MGMT: variants seen among roughly 807,000 people sequenced by gnomAD.
The protein encoded by MGMT is methylated-DNA--protein-cysteine methyltransferase.
In MGMT, 14 loss-of-function variants were observed where a neutral mutation model predicts 15.9. The observed-to-expected ratio is 0.88, with a 90% CI of 0.58 to 1.37. The LOEUF (loss-of-function observed/expected upper bound fraction) is 1.37. MGMT is among the 40% of genes most tolerant of loss of function. MGMT has a pLI of 0.00. For missense variants in MGMT, 282 were observed against 268.1 expected (o/e 1.05, Z -0.36); for synonymous variants, 130 against 118.2 (o/e 1.10, Z -0.65).
rs1304992355 is a variant in MGMT at position 129,770,719 on chromosome 10, A to G, written c.*3722A>G. On this transcript the variant is annotated 3_prime_UTR_variant, in exon 5 of 5. Transcript: ENST00000651593. The stretch of plus-strand genomic sequence containing the variant: ...GTATGAGCAAGGGGGAAAGTGTTTT[A>G]TTTTACTAGGAAGATTTTACTGAAA... 3.3e-5 allele frequency among the ~76,000 whole-genome samples: 5 copies of G among 152,142 alleles called. No individual in the cohort carries two copies. Among genetic ancestry groups the G allele is most frequent in the African/African-American group, 1.2e-4 (5 of 41,424 alleles).
intron 3 of MGMT, among the ~76,000 whole-genome samples, chr10:129,721,303 G>C (rs1038714124): frequency 1.9e-4 from 29 of 152,240 alleles, no homozygotes; most frequent in African/African-American, 7.0e-4. Context: ...GGAATTCATG[G>C]GCGGAGTTCG....
chr10:129,686,679 A>C (rs1847908009), intron 2 of MGMT, among the ~76,000 whole-genome samples: 1 of 152,174 alleles, frequency 6.6e-6, no homozygotes, highest in Non-Finnish European at 1.5e-5. Flanking sequence ...GGCTGTTTTT[A>C]AATGAGGATT....
At chr10:129,647,712 A>G (rs1337703875) in intron 2 of MGMT, among the ~76,000 whole-genome samples, 4 of 152,232 alleles carry the variant, frequency 2.6e-5, no homozygotes. Flanking sequence ...TAGCGGCAAC[A>G]GAAATACAAG....
At position 129,646,754 on chromosome 10, in the gene MGMT, A is replaced by ATATATTTTTTTTTTTTT; in HGVS notation, c.126-61140_126-61139insATATTTTTTTTTTTTTT. On this transcript the variant is annotated intron_variant, in intron 2 of 4. Coordinates refer to ENST00000651593, the MANE Select transcript of MGMT (RefSeq NM_002412.5). Reference sequence around the variant, plus strand: ...TATATATATATATATATATATATATATTTTCAGGGAATGGTAGAGAACAGT... The same window carrying ATATATTTTTTTTTTTTT: ...TATATATATATATATATATATATATATATATTTTTTTTTTTTTTTTTCAGGGAATGGTAGAGAACAGT... Among the ~76,000 whole-genome samples, 74 of 86,600 alleles carry ATATATTTTTTTTTTTTT rather than the reference A, an allele frequency of 8.5e-4. 2 individuals carry two copies. Among genetic ancestry groups the ATATATTTTTTTTTTTTT allele is most frequent in the African/African-American group, 2.3e-3 (58 of 25,442 alleles). 56.8% of individuals were successfully genotyped at this position (86,600 alleles called of 152,430 possible).
At chr10:129,760,502 G>C (rs1022696383) in intron 4 of MGMT, among the ~76,000 whole-genome samples, 6 of 152,190 alleles carry the variant, frequency 3.9e-5, no homozygotes, top group African/African-American at 1.4e-4. Context: ...TTGAAAAATT[G>C]CTGTGGCTTT....
intron 2 of MGMT, among the ~76,000 whole-genome samples, chr10:129,569,365 G>T (rs1422761230): frequency 6.6e-6 from 1 of 152,194 alleles, no homozygotes; most frequent in African/African-American, 2.4e-5. Context: ...CCTGCGAGTG[G>T]CTCAGGCGAA....
At chr10:129,681,178 G>A (rs976656717) in intron 2 of MGMT, among the ~76,000 whole-genome samples, 9 of 152,220 alleles carry the variant, frequency 5.9e-5, no homozygotes, top group African/African-American at 2.2e-4. Flanking sequence ...AGCACCGGGT[G>A]CGCTGTGGAC....
intron 2 of MGMT, among the ~76,000 whole-genome samples, chr10:129,703,115 A>G (rs1198255631): frequency 6.6e-6 from 1 of 152,222 alleles, no homozygotes; most frequent in Non-Finnish European, 1.5e-5. Flanking sequence ...TTCAGAATCA[A>G]AGCTGTTTAA....
rs143151856 is a variant in MGMT, at chr10:129,747,665, G to T, written c.275-11537G>T. 8.7e-4 allele frequency among the ~76,000 whole-genome samples: 133 copies of T among 152,220 alleles called. 1 individual carries two copies. The highest frequency in any genetic ancestry group is 3.1e-3 in the African/African-American group (129 of 41,526). On this transcript the variant is annotated intron_variant, in intron 3 of 4. Transcript: ENST00000651593. ...CATGTGTTATGATTCATGAACCATT[G>T]TTGGTACCTTAATATTAACTAAAGT...
chr10:129,505,709 G>C (rs1229497091), intron 1 of MGMT, among the ~76,000 whole-genome samples: 1 of 152,178 alleles, frequency 6.6e-6, no homozygotes, highest in Non-Finnish European at 1.5e-5. Context: ...ATGGTAGACA[G>C]CTTTTGTAAA....
At chr10:129,548,673 G>C (rs1487960589) in intron 2 of MGMT, among the ~76,000 whole-genome samples, 3 of 152,248 alleles carry the variant, frequency 2.0e-5, no homozygotes, top group Non-Finnish European at 2.9e-5. Flanking sequence ...CCTGGCGTCT[G>C]CTTTGCCTGT....
chr10:129,609,073 C>T (rs1023407540), intron 2 of MGMT, among the ~76,000 whole-genome samples: 7 of 152,188 alleles, frequency 4.6e-5, no homozygotes, highest in South Asian at 2.1e-4. Context: ...TGGGCAGGTC[C>T]GGGCTCAGTG....
At chr10:129,642,663 C>T (rs1262975861) in intron 2 of MGMT, among the ~76,000 whole-genome samples, 1 of 152,182 alleles carries the variant, frequency 6.6e-6, no homozygotes, top group Non-Finnish European at 1.5e-5. Context: ...TTACTAAATG[C>T]TATTAGCATC....
At chr10:129,542,393 C>T (rs1475815315) in intron 2 of MGMT, among the ~76,000 whole-genome samples, 2 of 152,106 alleles carry the variant, frequency 1.3e-5, no homozygotes, top group Non-Finnish European at 2.9e-5. Flanking sequence ...TTCACGAATT[C>T]GTTTTTTTCT....
In MGMT at chr10:129,556,928, G is replaced by T. The variant is rs1400543672; in HGVS notation, c.125+20551G>T. On this transcript the variant is annotated intron_variant, in intron 2 of 4. Coordinates refer to ENST00000651593, the MANE Select transcript of MGMT (RefSeq NM_002412.5). This position sits in a 1 kb window ranked among gnomAD's most constrained non-coding sequence, Gnocchi z 4.3. ...TTGTGAGGCTACCCTTCATTGAAGG[G>T]GGGCCCGTGATGTTGAGTGTTCACC... 6.6e-6 allele frequency among the ~76,000 whole-genome samples: 1 copy of T among 152,104 alleles called. No individual in the cohort carries two copies. Among genetic ancestry groups the T allele is most frequent in the African/African-American group, 2.4e-5 (1 of 41,416 alleles).
chr10:129,676,251 G>GC lies in MGMT; in HGVS notation c.126-31638dup, dbSNP rs60091796. Among the ~76,000 whole-genome samples, 573 of 152,294 alleles carry GC rather than the reference G, an allele frequency of 3.8e-3. 6 individuals are homozygous for GC. The highest frequency in any genetic ancestry group is 0.014 in the African/African-American group (562 of 41,566). On this transcript the variant is annotated intron_variant, in intron 2 of 4. Coordinates refer to ENST00000651593, the MANE Select transcript of MGMT (RefSeq NM_002412.5). ...CCTTCACTTCCTCTTCCCTGTGGCCGCCCCCCGACCTTCATTTCCTTGGTA... is the reference window on the plus strand; with the variant it reads ...CCTTCACTTCCTCTTCCCTGTGGCCGCCCCCCCGACCTTCATTTCCTTGGTA...
chr10:129,645,680 A>G (rs1228638187), intron 2 of MGMT, among the ~76,000 whole-genome samples: 1 of 152,216 alleles, frequency 6.6e-6, no homozygotes. Flanking sequence ...ATCCGGACTC[A>G]GCATTGTGGG....
At chr10:129,653,193 C>T (rs1008308121) in intron 2 of MGMT, among the ~76,000 whole-genome samples, 8 of 152,198 alleles carry the variant, frequency 5.3e-5, no homozygotes, top group Admixed American at 6.5e-5. Flanking sequence ...ACTTCATGTC[C>T]GGTTATTAAT....
At chr10:129,555,390 C>G (rs1418586146) in intron 2 of MGMT, among the ~76,000 whole-genome samples, 2 of 152,180 alleles carry the variant, frequency 1.3e-5, no homozygotes, top group African/African-American at 4.8e-5. Flanking sequence ...CTCACAGGGC[C>G]TAGCCCAGGG....
Sources: gnomAD v4.1 joint callset for allele counts (sites outside exome capture counted in the v4.1 genomes callset) on GRCh38, gnomAD v4.1.1 for gene constraint, Gnocchi (gnomAD v3.1) non-coding constraint, MANE v1.5 for transcripts, NCBI Gene and HGNC (gene_info 2026-07-23, HGNC 2026-07-21) for gene names.